Variants in ATP9A observed in about 807,000 individuals in gnomAD.
ATP9A encodes probable phospholipid-transporting ATPase IIA.
A neutral mutation model predicts 144.1 loss-of-function variants in ATP9A; 52 were observed. That is an observed-to-expected ratio of 0.36 (90% confidence interval 0.29 to 0.45). The LOEUF is 0.45. Among genes scored for constraint, ATP9A ranks in the 20% least tolerant of loss-of-function variants. The pLI is 1.00. For synonymous variants in ATP9A, 582 were observed against 557.4 expected, an observed-to-expected ratio of 1.04 and a Z score of -0.62; for missense variants, 947 against 1,392.7, an observed-to-expected ratio of 0.68 and a Z score of 5.09.
At chr20:51,646,585 A>C (rs2077343205) in intron 14 of ATP9A, among the ~76,000 whole-genome samples, 1 of 152,232 alleles carries the variant, frequency 6.6e-6, no homozygotes, top group African/African-American at 2.4e-5. Context: ...GCAGACAGGC[A>C]TAGGGCAGGG....
chr20:51,649,765 T>C (rs973122378), intron 14 of ATP9A, among the ~76,000 whole-genome samples: 2 of 151,824 alleles, frequency 1.3e-5, no homozygotes, highest in African/African-American at 4.8e-5. Flanking sequence ...AAATTCAAAA[T>C]TAGCCGGGCG....
intron 1 of ATP9A, among the ~76,000 whole-genome samples, chr20:51,763,323 T>C (rs1266955499): frequency 2.0e-5 from 3 of 151,230 alleles, no homozygotes; most frequent in East Asian, 3.9e-4. Flanking sequence ...ACTTTTTTTT[T>C]TTTTTTTGAG....
At chr20:51,642,617 T>C (rs2077324252) in intron 14 of ATP9A, among the ~76,000 whole-genome samples, 1 of 150,918 alleles carries the variant, frequency 6.6e-6, no homozygotes, top group African/African-American at 2.4e-5. Context: ...TCCCAGCTAC[T>C]GGAGAGGCTG....
At chr20:51,601,392 C>T (rs766967968) in intron 27 of ATP9A, 45 bp from the exon 28 acceptor site, 15 of 1,556,852 alleles carry the variant, frequency 9.6e-6, no homozygotes, top group Admixed American at 7.4e-5. Context: ...AGGAATATTC[C>T]GGAAGGTGCA....
Position 51,717,513 on chromosome 20 carries a change from C to A in ATP9A, c.328-4439G>T, listed in dbSNP as rs2080539500. Among the ~76,000 whole-genome samples, 5 of 152,124 alleles carry A rather than the reference C, an allele frequency of 3.3e-5. No homozygotes were observed. In the South Asian group the frequency reaches 1.0e-3, roughly 32 times the overall value. ...CTAAAAAGGGTCTACAACGTGGAGA[C>A]CAACTGCTGGAGGTGCCAAAACCTA... On this transcript the variant is annotated intron_variant, in intron 3 of 27. Transcript: ENST00000338821.
intron 23 of ATP9A, 100 bp from the exon 24 acceptor site, chr20:51,610,265 C>T (rs1004364945): frequency 4.3e-5 from 39 of 914,310 alleles, no homozygotes; most frequent in East Asian, 4.0e-4. Flanking sequence ...ACACCCGCGC[C>T]GGCACTGCTG....
At chr20:51,666,356 A>ATC (rs1291690347) in intron 13 of ATP9A, among the ~76,000 whole-genome samples, 3 of 152,204 alleles carry the variant, frequency 2.0e-5, no homozygotes, top group African/African-American at 7.2e-5. Context: ...GGCCCAAGTG[A>ATC]TCTAGCCCAG....
At chr20:51,731,444 G>A (rs890959544) in intron 1 of ATP9A, among the ~76,000 whole-genome samples, 13 of 150,358 alleles carry the variant, frequency 8.6e-5, no homozygotes, top group African/African-American at 2.9e-4. Context: ...TGGGCCAGGC[G>A]AGGTGGCTCA....
chr20:51,659,313 T>C lies in ATP9A; in HGVS notation c.1294-2163A>G, dbSNP rs559528777. Among the ~76,000 whole-genome samples the C allele has an allele frequency of 1.2e-3, 190 of 152,358 alleles. 1 individual carries two copies. The highest frequency in any genetic ancestry group is 4.5e-3 in the African/African-American group (187 of 41,586). On this transcript the variant is annotated intron_variant, in intron 13 of 27. Transcript: ENST00000338821. Reference sequence around the variant, plus strand: ...CTGACGGTTCCCTCTCATTAGACCATAGAAACAGAAGGCTCACCTGAGTGA... The same window carrying C: ...CTGACGGTTCCCTCTCATTAGACCACAGAAACAGAAGGCTCACCTGAGTGA...
chr20:51,619,889 G>A (rs1293037571), intron 19 of ATP9A, among the ~76,000 whole-genome samples: 14 of 103,638 alleles, frequency 1.4e-4, no homozygotes, highest in Admixed American at 2.9e-4. Flanking sequence ...AAAAAAAAAA[G>A]CCTGTACTTT....
intron 15 of ATP9A, among the ~76,000 whole-genome samples, chr20:51,637,797 C>T (rs1346148841): frequency 6.6e-6 from 1 of 151,000 alleles, no homozygotes; most frequent in African/African-American, 2.4e-5. Flanking sequence ...TTCGTGCACC[C>T]ATCACCTGAG....
chr20:51,698,286 G>T (rs1356593955), intron 4 of ATP9A, among the ~76,000 whole-genome samples: 4 of 152,228 alleles, frequency 2.6e-5, no homozygotes, highest in African/African-American at 9.6e-5. Flanking sequence ...GACTTTGGAA[G>T]GCCGAAGCAG....
chr20:51,705,137 T>C (rs114591723), intron 4 of ATP9A, among the ~76,000 whole-genome samples: 1,781 of 152,352 alleles, frequency 0.012, 39 homozygotes, highest in African/African-American at 0.041. Context: ...AATTTAATTA[T>C]TAGCTAAACA....
chr20:51,623,237 G>C, intron 18 of ATP9A, among the ~76,000 whole-genome samples: 1 of 152,142 alleles, frequency 6.6e-6, no homozygotes, highest in East Asian at 1.9e-4. Flanking sequence ...ATAGTTCTCA[G>C]GGTTTGAGGT....
At chr20:51,723,173 T>C (rs1178847689) in intron 3 of ATP9A, among the ~76,000 whole-genome samples, 1 of 152,152 alleles carries the variant, frequency 6.6e-6, no homozygotes, top group Non-Finnish European at 1.5e-5. Flanking sequence ...CATCATATGT[T>C]TTCACTAATA....
In ATP9A at chr20:51,699,107, C is replaced by T. The variant is rs575272668; in HGVS notation, c.437-1625G>A. ...CTGTAATCCCAGTACTTTGGGAGGCCGAGGCAGGTAGATCACCTGAGGTCA... is the reference window on the plus strand; with the variant it reads ...CTGTAATCCCAGTACTTTGGGAGGCTGAGGCAGGTAGATCACCTGAGGTCA... On this transcript the variant is annotated intron_variant, in intron 4 of 27. Coordinates refer to ENST00000338821, the MANE Select transcript of ATP9A (RefSeq NM_006045.3). 2.1e-3 allele frequency among the ~76,000 whole-genome samples: 318 copies of T among 152,122 alleles called. 2 individuals are homozygous for T. The highest frequency in any genetic ancestry group is 3.6e-3 in the Non-Finnish European group (248 of 67,992).
In ATP9A at chr20:51,750,838, AATC is replaced by A. The variant is rs1448242294; in HGVS notation, c.68+17461_68+17463del. The stretch of plus-strand genomic sequence containing the variant: ...TTGTCTAGATGGCAACCTAGGGAGG[AATC>A]CAAATGGCAGGAACCCAGCAGAGAC... On this transcript the variant is annotated intron_variant, in intron 1 of 27. Coordinates refer to ENST00000338821, the MANE Select transcript of ATP9A (RefSeq NM_006045.3). 1.8e-4 allele frequency among the ~76,000 whole-genome samples: 28 copies of A among 152,198 alleles called. No homozygotes were observed. In the South Asian group the frequency reaches 5.2e-3, roughly 28 times the overall value.
At chr20:51,658,428 C>T (rs60282351) in intron 13 of ATP9A, among the ~76,000 whole-genome samples, 73,405 of 151,072 alleles carry the variant, frequency 0.49, 18,554 homozygotes, top group East Asian at 0.79. Context: ...TCCTGAGAAA[C>T]CCGCTCAGCA....
chr20:51,677,209 C>G (rs1472257762), intron 9 of ATP9A, among the ~76,000 whole-genome samples: 3 of 152,106 alleles, frequency 2.0e-5, no homozygotes, highest in Non-Finnish European at 4.4e-5. Context: ...GCTTGGATTA[C>G]AGGCATGAGC....
Sources: allele counts gnomAD v4.1 joint callset (sites outside exome capture counted in the v4.1 genomes callset), GRCh38; gene constraint gnomAD v4.1.1; transcripts MANE v1.5; gene names NCBI Gene and HGNC (gene_info 2026-07-23, HGNC 2026-07-21).